The following ZDHHC24 variants were observed in gnomAD, a reference collection of about 807,000 sequenced individuals.
The protein encoded by ZDHHC24 is zDHHC palmitoyltransferase 24.
In ZDHHC24, 17 loss-of-function variants were observed where a neutral mutation model predicts 23.2. The observed-to-expected ratio is 0.73, with a 90% CI of 0.50 to 1.10. The LOEUF is 1.10. Ranked by LOEUF, ZDHHC24 falls within the 50% of genes least tolerant of loss-of-function variation. The pLI is 0.00. For synonymous variants in ZDHHC24, 186 were observed against 194.5 expected (o/e 0.96, Z 0.36); for missense variants, 366 against 393.0 (o/e 0.93, Z 0.58).
chr11:66,524,136 C>T (rs188993268), intron 4 of ZDHHC24: 81 of 500,312 alleles, frequency 1.6e-4, no homozygotes, highest in African/African-American at 1.2e-3. Context: ...AAAAATTAGC[C>T]GGGCATGGTG....
Position 66,523,838 on chromosome 11 carries a change from C to T in ZDHHC24, c.*22-2372G>A, listed in dbSNP as rs747459381. 6.2e-6 allele frequency: 10 copies of T among 1,613,526 alleles called. No individual in the cohort carries two copies. Among genetic ancestry groups the T allele is most frequent in the East Asian group, 4.5e-5 (2 of 44,896 alleles). ...GGCTGGGCTGGCCAATGGAGAGGTC[C>T]GCATTTATCGTGACAAGGCCCTGCT... is the stretch of plus-strand genomic sequence containing the variant. On this transcript the variant is annotated intron_variant, in intron 4 of 4. Transcript: ENST00000526986.
At position 66,523,336 on chromosome 11, in the gene ZDHHC24, C is replaced by A. The variant is rs1028585617; in HGVS notation, c.*22-1870G>T. ...GCAGAAGTGGAAATAATCCCAGGGT[C>A]ATCTGCTTTGGGGCCAGTGTTCCTC... On this transcript the variant is annotated intron_variant, in intron 4 of 4. Transcript: ENST00000526986. 3.6e-6 allele frequency: 5 copies of A among 1,383,794 alleles called. No homozygotes were observed. The African/African-American group carries it at 4.3e-5, about 12-fold the overall frequency. The allele number at this position is 1,383,794 out of a possible 1,614,324, so 85.7% of individuals were successfully genotyped here. A position where few individuals can be genotyped will look rare whatever the true frequency, so the allele number is the denominator to read the frequency against.
chr11:66,526,221 TTGAAGTCGGGAG>T (rs1856483440), intron 4 of ZDHHC24: 2 of 1,608,272 alleles, frequency 1.2e-6, no homozygotes, highest in East Asian at 2.2e-5. Flanking sequence ...GGCAAGGGCT[TTGAAGTCGGGAG>T]TGAAGGGACA....
At chr11:66,526,267 G>A in intron 4 of ZDHHC24, 25 of 1,461,816 alleles carry the variant, frequency 1.7e-5, no homozygotes, top group Non-Finnish European at 2.4e-5. Flanking sequence ...GGAAAGAGGA[G>A]GAGGTGGAAA....
chr11:66,534,340 G>T (rs1856892351), downstream of ZDHHC24, among the ~76,000 whole-genome samples: 1 of 151,000 alleles, frequency 6.6e-6, no homozygotes, highest in African/African-American at 2.4e-5. Flanking sequence ...CTACTTGGAA[G>T]GCTGAGGCAG....
In ZDHHC24 at chr11:66,536,281, G is replaced by C. The variant is rs1026629244; in HGVS notation, c.*3248C>G. The C allele has an allele frequency of 1.3e-5, 2 of 152,422 alleles. No individual in the cohort carries two copies. The highest frequency in any genetic ancestry group is 4.8e-5 in the African/African-American group (2 of 41,436). 9.4% of individuals were successfully genotyped at this position (152,422 alleles called of 1,614,324 possible). ...AAAACAACAACAACAACGAGTCCAG[G>C]CATGGTGGCTCACACCTGTAATCCC... On this transcript the variant is annotated 3_prime_UTR_variant, in exon 3 of 3. Transcript: ENST00000310442.
chr11:66,524,920 G>A (rs913387334), intron 4 of ZDHHC24, among the ~76,000 whole-genome samples: 8 of 152,048 alleles, frequency 5.3e-5, no homozygotes, highest in Non-Finnish European at 1.0e-4. Context: ...CCGGGTATGG[G>A]CCGGGCACGG....
Position 66,522,416 on chromosome 11 carries a change from C to T in ZDHHC24, c.*22-950G>A, listed in dbSNP as rs548255561. ...AGGCTGGAGTGCAGTGGCACGATCT[C>T]GGCTTACTGCAACCTCTGCCTCCTG... is the stretch of plus-strand genomic sequence containing the variant. On this transcript the variant is annotated intron_variant, in intron 4 of 4. Transcript: ENST00000526986. Among the ~76,000 whole-genome samples the T allele has an allele frequency of 4.0e-5, 6 of 150,824 alleles. No homozygotes were observed. The East Asian group carries it at 6.0e-4, about 15-fold the overall frequency.
intron 3 of ZDHHC24, among the ~76,000 whole-genome samples, chr11:66,528,839 G>C (rs992783645): frequency 2.0e-5 from 3 of 151,744 alleles, no homozygotes; most frequent in Non-Finnish European, 4.4e-5. Flanking sequence ...TTGGCGGCGC[G>C]TGCCTGTAAT....
chr11:66,528,382 G>A (rs1285108168), intron 3 of ZDHHC24, among the ~76,000 whole-genome samples: 1 of 152,180 alleles, frequency 6.6e-6, no homozygotes. Flanking sequence ...AGTGGGGTTT[G>A]TTTTAAGGAC....
intron 4 of ZDHHC24, chr11:66,524,005 C>A: frequency 7.2e-7 from 1 of 1,381,792 alleles, no homozygotes; most frequent in Non-Finnish European, 1.0e-6. Context: ...TGAGGCCAGG[C>A]ACAGTGGCTC....
At position 66,536,958 on chromosome 11, in the gene ZDHHC24, C is replaced by G. The variant is rs1389224142; in HGVS notation, c.*2571G>C. ...GGACAAGGTGAGTCTGCTAATGCGT[C>G]TGTGCAGCCCAAAGTGCCAGGTACA... On this transcript the variant is annotated 3_prime_UTR_variant, in exon 3 of 3. Transcript: ENST00000310442. 6.6e-6 allele frequency: 1 copy of G among 151,928 alleles called. No homozygotes were observed. Among genetic ancestry groups the G allele is most frequent in the African/African-American group, 2.4e-5 (1 of 41,398 alleles). The allele number at this position is 151,928 out of a possible 1,614,324, so 9.4% of individuals were successfully genotyped here. A position where few individuals can be genotyped will look rare whatever the true frequency, so the allele number is the denominator to read the frequency against.
chr11:66,521,933 G>A (rs1355395583), intron 4 of ZDHHC24, among the ~76,000 whole-genome samples: 1 of 149,974 alleles, frequency 6.7e-6, no homozygotes, highest in South Asian at 2.1e-4. Flanking sequence ...AAAAAGCAGG[G>A]GGGTGCCGGG....
intron 4 of ZDHHC24, chr11:66,524,052 G>A (rs1275524937): frequency 1.1e-6 from 1 of 950,342 alleles, no homozygotes; most frequent in Non-Finnish European, 1.6e-6. Flanking sequence ...GGCCAAGGTG[G>A]GCAGATCACC....
chr11:66,535,358 A>G (rs1044097403), downstream of ZDHHC24, among the ~76,000 whole-genome samples: 1 of 139,792 alleles, frequency 7.2e-6, no homozygotes, highest in South Asian at 2.3e-4. Context: ...CTACAGACGC[A>G]CTACCACACA....
At chr11:66,534,670 T>A (rs1329743511), downstream of ZDHHC24, among the ~76,000 whole-genome samples, 1 of 151,104 alleles carries the variant, frequency 6.6e-6, no homozygotes, top group African/African-American at 2.4e-5. Flanking sequence ...TTTAAAGATT[T>A]TTTTCATTTA....
chr11:66,529,119 A>G (rs1379485852), intron 3 of ZDHHC24: 1 of 984,892 alleles, frequency 1.0e-6, no homozygotes, highest in Non-Finnish European at 1.2e-6. Flanking sequence ...AAGCCACTTC[A>G]CACATAAACG....
intron 4 of ZDHHC24, among the ~76,000 whole-genome samples, chr11:66,524,938 C>T (rs766722274): frequency 3.9e-5 from 6 of 152,014 alleles, no homozygotes; most frequent in Non-Finnish European, 8.8e-5. Context: ...CGGTGGCTCA[C>T]GTCTGTAATC....
Position 66,526,572 on chromosome 11 carries a change from ATTGT to A in ZDHHC24, c.*21+360_*21+363del, listed in dbSNP as rs150831724. 1.0e-3 allele frequency: 1,667 copies of A among 1,593,512 alleles called. 10 individuals are homozygous for A. In the African/African-American group the frequency reaches 0.017, roughly 17 times the overall value. On this transcript the variant is annotated intron_variant, in intron 4 of 4. Coordinates refer to the ZDHHC24 transcript ENST00000526986. ...ACAGAAGCAACTCTATAGGAGGCAG[ATTGT>A]TTGGGGAAGAAAGAATGGGAATGTG... is the stretch of plus-strand genomic sequence containing the variant.
Sources: allele counts gnomAD v4.1 joint callset (sites outside exome capture counted in the v4.1 genomes callset), GRCh38; gene constraint gnomAD v4.1.1; transcripts MANE v1.5; gene names NCBI Gene and HGNC (gene_info 2026-07-23, HGNC 2026-07-21).